The following MEGF9 variants were observed in gnomAD, a reference collection of about 807,000 sequenced individuals.
The protein encoded by MEGF9 is multiple epidermal growth factor-like domains protein 9.
A neutral mutation model predicts 46.8 loss-of-function variants in MEGF9; 6 were observed. The observed-to-expected ratio is 0.13, with a 90% CI of 0.07 to 0.25. MEGF9 has a LOEUF of 0.25. Ranked by LOEUF, MEGF9 falls within the 10% of genes least tolerant of loss-of-function variation. The pLI, the probability that MEGF9 is intolerant of heterozygous loss-of-function variation, is 1.00. For synonymous variants in MEGF9, 302 were observed against 330.7 expected, an observed-to-expected ratio of 0.91 and a Z score of 0.94; for missense variants, 683 against 792.4, an observed-to-expected ratio of 0.86 and a Z score of 1.66.
intron 2 of MEGF9, among the ~76,000 whole-genome samples, chr9:120,642,884 TC>T (rs1156417365): frequency 1.3e-5 from 2 of 152,236 alleles, no homozygotes; most frequent in African/African-American, 4.8e-5. Context: ...CTATGTTCCT[TC>T]TGTAGTGTAT....
intron 1 of MEGF9, among the ~76,000 whole-genome samples, chr9:120,676,937 G>C (rs1354209454): frequency 6.6e-6 from 1 of 152,150 alleles, no homozygotes; most frequent in Non-Finnish European, 1.5e-5. Context: ...CAAGACCAGA[G>C]TTAGCGGGTA....
intron 2 of MEGF9, among the ~76,000 whole-genome samples, chr9:120,629,009 T>C (rs2043539388): frequency 6.6e-6 from 1 of 152,158 alleles, no homozygotes; most frequent in East Asian, 1.9e-4. Context: ...AGGGTCTCAC[T>C]GTGTTGCCCA....
At chr9:120,699,297 A>C (rs2043892019) in intron 1 of MEGF9, among the ~76,000 whole-genome samples, 1 of 152,192 alleles carries the variant, frequency 6.6e-6, no homozygotes, top group Admixed American at 6.5e-5. Context: ...ATGAAGCAAT[A>C]TATGCAGTAA....
intron 2 of MEGF9, among the ~76,000 whole-genome samples, chr9:120,638,663 G>A (rs946297458): frequency 5.9e-5 from 9 of 152,302 alleles, no homozygotes; most frequent in Admixed American, 2.6e-4. Flanking sequence ...AATACTTGAC[G>A]CTATCAGCTT....
intron 3 of MEGF9, among the ~76,000 whole-genome samples, chr9:120,616,865 G>T (rs952003396): frequency 5.9e-5 from 9 of 151,930 alleles, no homozygotes; most frequent in Admixed American, 5.9e-4. Context: ...CATTTCAAAG[G>T]GTGAAAGACT....
chr9:120,604,965 A>C lies in MEGF9; in HGVS notation c.*225T>G, dbSNP rs888244643. 16 of 561,472 alleles carry C rather than the reference A, an allele frequency of 2.8e-5. No individual in the cohort carries two copies. Among genetic ancestry groups the C allele is most frequent in the South Asian group, 4.6e-5 (2 of 43,660 alleles). The allele number at this position is 561,472 out of a possible 1,614,324, so 34.8% of individuals were successfully genotyped here. A position where few individuals can be genotyped will look rare whatever the true frequency, so the allele number is the denominator to read the frequency against. On this transcript the variant is annotated 3_prime_UTR_variant, in exon 6 of 6. Transcript: ENST00000373930. Reference sequence around the variant, plus strand: ...TACTCCCATGTGGTTTGGTACAAAAATATACTTTACTTCAAGTCCTAATGA... The same window carrying C: ...TACTCCCATGTGGTTTGGTACAAAACTATACTTTACTTCAAGTCCTAATGA...
intron 2 of MEGF9, among the ~76,000 whole-genome samples, chr9:120,643,803 TCCTACTTCAG>T (rs2043614552): frequency 6.6e-6 from 1 of 151,858 alleles, no homozygotes; most frequent in African/African-American, 2.4e-5. Context: ...CACGCGATCC[TCCTACTTCAG>T]CCTCCCAAGT....
chr9:120,703,569 C>T (rs574672968), intron 1 of MEGF9, among the ~76,000 whole-genome samples: 84 of 152,256 alleles, frequency 5.5e-4, no homozygotes, highest in African/African-American at 2.0e-3. Context: ...ACCTTCCCTG[C>T]CAAAGTGTTA....
intron 2 of MEGF9, among the ~76,000 whole-genome samples, chr9:120,658,753 C>A (rs2043688732): frequency 6.6e-6 from 1 of 152,176 alleles, no homozygotes; most frequent in Admixed American, 6.5e-5. Flanking sequence ...CAGTGCAGTA[C>A]AAGGCAAATG....
intron 1 of MEGF9, among the ~76,000 whole-genome samples, chr9:120,678,279 A>G (rs1165359253): frequency 6.6e-6 from 1 of 152,176 alleles, no homozygotes; most frequent in Admixed American, 6.5e-5. Context: ...TCCTCGATAT[A>G]TGGATTTCCT....
At chr9:120,612,621 A>G in intron 3 of MEGF9, 82 bp from the exon 4 acceptor site, 2 of 1,278,524 alleles carry the variant, frequency 1.6e-6, no homozygotes, top group African/African-American at 1.5e-5. Context: ...CTGCAACAAA[A>G]AGATCATAAG....
In MEGF9 at chr9:120,622,518, T is replaced by A. The variant is rs2043504689; in HGVS notation, c.943+98A>T. 4.5e-6 allele frequency: 6 copies of A among 1,338,920 alleles called. No individual in the cohort carries two copies. In the Admixed American group the frequency reaches 1.4e-4, roughly 31 times the overall value. 82.9% of individuals were successfully genotyped at this position (1,338,920 alleles called of 1,614,324 possible). A position where few individuals can be genotyped will look rare whatever the true frequency, so the allele number is the denominator to read the frequency against. On this transcript the variant is annotated intron_variant, in intron 3 of 5. Transcript: ENST00000373930. Reference sequence around the variant, plus strand: ...CATCCTACTTAGAAGATAAAGGCCCTTCCAAACTATTTCAGAAGAATCAAC... The same window carrying A: ...CATCCTACTTAGAAGATAAAGGCCCATCCAAACTATTTCAGAAGAATCAAC...
At chr9:120,698,108 T>C (rs2043886655) in intron 1 of MEGF9, among the ~76,000 whole-genome samples, 1 of 152,220 alleles carries the variant, frequency 6.6e-6, no homozygotes, top group South Asian at 2.1e-4. Context: ...GAAGATTATG[T>C]GACTTGCACC....
At chr9:120,629,809 T>C (rs2043542666) in intron 2 of MEGF9, among the ~76,000 whole-genome samples, 1 of 152,114 alleles carries the variant, frequency 6.6e-6, no homozygotes, top group Non-Finnish European at 1.5e-5. Flanking sequence ...GGCACGCACC[T>C]GTAGTCCCAG....
At chr9:120,630,559 A>G (rs138182538) in intron 2 of MEGF9, among the ~76,000 whole-genome samples, 1 of 152,290 alleles carries the variant, frequency 6.6e-6, no homozygotes, top group East Asian at 1.9e-4. Context: ...TGATAGTTCT[A>G]TTTTTAGTTT....
intron 2 of MEGF9, among the ~76,000 whole-genome samples, chr9:120,636,102 A>AT (rs1208652491): frequency 1.3e-5 from 2 of 152,106 alleles, no homozygotes; most frequent in South Asian, 2.1e-4. Flanking sequence ...CACCTGGCTA[A>AT]TTTTTTTGGT....
chr9:120,658,130 G>T (rs1325487601), intron 2 of MEGF9, among the ~76,000 whole-genome samples: 1 of 151,966 alleles, frequency 6.6e-6, no homozygotes, highest in Admixed American at 6.6e-5. Context: ...GACTACAGGT[G>T]TGTGCCACCA....
chr9:120,707,158 A>T (rs980491366), intron 1 of MEGF9, among the ~76,000 whole-genome samples: 3 of 152,214 alleles, frequency 2.0e-5, no homozygotes, highest in Non-Finnish European at 2.9e-5. Flanking sequence ...TTGGAGATTA[A>T]ATGACTTAAT....
intron 1 of MEGF9, among the ~76,000 whole-genome samples, chr9:120,682,185 A>G (rs910224750): frequency 4.6e-5 from 7 of 152,256 alleles, no homozygotes; most frequent in Non-Finnish European, 7.3e-5. Flanking sequence ...TCAGAGGCCT[A>G]TTAATGAATT....
Sources: gnomAD v4.1 joint callset for allele counts (sites outside exome capture counted in the v4.1 genomes callset) on GRCh38, gnomAD v4.1.1 for gene constraint, MANE v1.5 for transcripts, NCBI Gene and HGNC (gene_info 2026-07-23, HGNC 2026-07-21) for gene names.